Variants in MAPDA observed in about 807,000 individuals in gnomAD.
MAPDA encodes N6-Methyl-AMP deaminase, also known as N6,N6-dimethyl-AMP deaminase.
chr15:43,346,528 C>T, the MAPDA span, among the ~76,000 whole-genome samples: 1 of 152,246 alleles, frequency 6.6e-6, no homozygotes, highest in Non-Finnish European at 1.5e-5. Flanking sequence ...CCAGACATTG[C>T]CAAGTGTCCC....
At chr15:43,330,389 T>C in the MAPDA span, 1 of 1,587,396 alleles carries the variant, frequency 6.3e-7, no homozygotes, top group Non-Finnish European at 8.5e-7. Context: ...AAAGGGGTCC[T>C]GCACGTACCC....
At chr15:43,345,941 G>A in the MAPDA span, 7 of 1,614,056 alleles carry the variant, frequency 4.3e-6, no homozygotes, top group Admixed American at 5.0e-5. Flanking sequence ...TTTCTACTGA[G>A]GGTACAGTTC....
At chr15:43,342,960 C>A in the MAPDA span, 2 of 1,436,248 alleles carry the variant, frequency 1.4e-6, no homozygotes, top group Non-Finnish European at 1.9e-6. Context: ...AGTTGATGAT[C>A]TCTTTACATG....
chr15:43,341,922 T>G, the MAPDA span, among the ~76,000 whole-genome samples: 1 of 151,980 alleles, frequency 6.6e-6, no homozygotes, highest in Non-Finnish European at 1.5e-5. Flanking sequence ...CACTGCAACC[T>G]CCGCCTCCAA....
At chr15:43,351,133 C>A in the MAPDA span, 1 of 1,267,030 alleles carries the variant, frequency 7.9e-7, no homozygotes, top group Non-Finnish European at 1.1e-6. Flanking sequence ...GCCTTGCATG[C>A]CTGAGGATAA....
the MAPDA span, chr15:43,335,579 T>A: frequency 8.6e-7 from 1 of 1,164,096 alleles, no homozygotes; most frequent in East Asian, 2.5e-5. Context: ...GTAAACTTTA[T>A]TATGTAGCTA....
At chr15:43,344,270 T>G in the MAPDA span, among the ~76,000 whole-genome samples, 1 of 147,794 alleles carries the variant, frequency 6.8e-6, no homozygotes, top group East Asian at 1.9e-4. Flanking sequence ...GAAAATAGCT[T>G]AAAATATCCA....
the MAPDA span, chr15:43,351,862 A>G: frequency 1.9e-6 from 3 of 1,551,710 alleles, no homozygotes; most frequent in South Asian, 2.4e-5. Context: ...TGAATCCATC[A>G]ACTACATCTT....
chr15:43,348,708 A>G, the MAPDA span, among the ~76,000 whole-genome samples: 44 of 152,198 alleles, frequency 2.9e-4, no homozygotes, highest in Non-Finnish European at 4.4e-5. Flanking sequence ...TATTATTATC[A>G]TTGAAATGAA....
chr15:43,345,620 C>T, the MAPDA span, among the ~76,000 whole-genome samples: 2 of 152,112 alleles, frequency 1.3e-5, no homozygotes, highest in Non-Finnish European at 2.9e-5. Context: ...AACAAAAAAA[C>T]CTCGAAAGAC....
chr15:43,347,151 G>A, the MAPDA span: 3 of 1,426,328 alleles, frequency 2.1e-6, no homozygotes, highest in African/African-American at 4.3e-5. Context: ...AAATAATAGG[G>A]TCATTTGTAA....
the MAPDA span, among the ~76,000 whole-genome samples, chr15:43,350,565 C>A: frequency 3.3e-5 from 5 of 152,138 alleles, no homozygotes; most frequent in Admixed American, 6.5e-5. Context: ...TTGGCTTCCA[C>A]CATTAGACCA....
chr15:43,336,658 T>TTAC, the MAPDA span: 1 of 1,567,526 alleles, frequency 6.4e-7, no homozygotes, highest in Non-Finnish European at 8.6e-7. Context: ...ATTCATCAGC[T>TTAC]TACTAGTAGC....
the MAPDA span, chr15:43,330,367 C>T: frequency 5.0e-6 from 8 of 1,604,534 alleles, no homozygotes; most frequent in South Asian, 1.1e-5. Flanking sequence ...CGCCCGGAAC[C>T]AGCAACGCGG....
the MAPDA span, among the ~76,000 whole-genome samples, chr15:43,333,656 A>G: frequency 6.6e-6 from 1 of 152,132 alleles, no homozygotes; most frequent in Non-Finnish European, 1.5e-5. Context: ...GTACATTTTA[A>G]TATCTTGGTA....
At chr15:43,335,827 G>GT in the MAPDA span, 2 of 1,612,370 alleles carry the variant, frequency 1.2e-6, no homozygotes, top group Non-Finnish European at 1.7e-6. Context: ...CTTTGGAAGA[G>GT]TAAGTGTGGG....
the MAPDA span, among the ~76,000 whole-genome samples, chr15:43,341,962 C>T: frequency 6.6e-6 from 1 of 151,998 alleles, no homozygotes; most frequent in African/African-American, 2.4e-5. Context: ...CCTCAGCCTC[C>T]CGAGTAGCAG....
At chr15:43,343,116 A>C in the MAPDA span, 2 of 1,388,368 alleles carry the variant, frequency 1.4e-6, no homozygotes, top group Non-Finnish European at 2.0e-6. Flanking sequence ...TTACAAAACC[A>C]GAATGTGAAT....
At chr15:43,350,100 G>C in the MAPDA span, among the ~76,000 whole-genome samples, 9 of 151,960 alleles carry the variant, frequency 5.9e-5, no homozygotes, top group African/African-American at 2.2e-4. Flanking sequence ...GGACGGAGTC[G>C]CTCTGTCACC....
Sources: allele counts gnomAD v4.1 joint callset (sites outside exome capture counted in the v4.1 genomes callset), GRCh38; gene constraint gnomAD v4.1.1; transcripts MANE v1.5; gene names NCBI Gene and HGNC (gene_info 2026-07-23, HGNC 2026-07-21).